Variants in TMPRSS15 observed in about 807,000 individuals in gnomAD.
TMPRSS15 encodes transmembrane serine protease 15, also known as enteropeptidase.
Under a neutral mutation model 125.3 loss-of-function variants are expected in TMPRSS15, and 128 were observed. That is an observed-to-expected ratio of 1.02 (90% CI 0.89 to 1.18). TMPRSS15 has a LOEUF of 1.18. Among genes scored for constraint, TMPRSS15 ranks in the 50% most tolerant of loss-of-function variants. TMPRSS15 has a pLI of 0.00. For synonymous variants in TMPRSS15, 446 were observed against 423.2 expected, an observed-to-expected ratio of 1.05 and a Z score of -0.66; for missense variants, 1,283 against 1,212.7, an observed-to-expected ratio of 1.06 and a Z score of -0.86.
chr21:18,427,003 A>G (rs2076203952), intron 1 of TMPRSS15, among the ~76,000 whole-genome samples: 1 of 152,188 alleles, frequency 6.6e-6, no homozygotes, highest in Admixed American at 6.5e-5. Context: ...AGAGTGATTA[A>G]TCCCTTTTGG....
intron 1 of TMPRSS15, among the ~76,000 whole-genome samples, chr21:18,423,177 T>C (rs1167521843): frequency 6.6e-6 from 1 of 152,032 alleles, no homozygotes; most frequent in African/African-American, 2.4e-5. Context: ...CCTCTGAGGT[T>C]TTGCTTTGGA....
rs1385984679 is a variant in TMPRSS15, at chr21:18,416,484, C to G, written c.11-18155G>C. Among the ~76,000 whole-genome samples, 2 of 152,120 alleles carry G rather than the reference C, an allele frequency of 1.3e-5. 1 individual carries two copies. The highest frequency in any genetic ancestry group is 2.9e-5 in the Non-Finnish European group (2 of 67,894). On this transcript the variant is annotated intron_variant, in intron 1 of 7. Coordinates refer to the TMPRSS15 transcript ENST00000422787. ...TGAACAGTAGAAATTTGTAGACTTACTATTATCATAAGGCATTTGTTTTTA... is the reference window on the plus strand; with the variant it reads ...TGAACAGTAGAAATTTGTAGACTTAGTATTATCATAAGGCATTTGTTTTTA...
At chr21:18,470,650 C>G (rs944474936) in intron 1 of TMPRSS15, among the ~76,000 whole-genome samples, 13 of 152,036 alleles carry the variant, frequency 8.6e-5, no homozygotes, top group African/African-American at 3.1e-4. Context: ...ACTCTTTATT[C>G]TCCTTTGTTG....
chr21:18,286,980 C>T (rs1444068649), intron 21 of TMPRSS15, among the ~76,000 whole-genome samples: 1 of 152,180 alleles, frequency 6.6e-6, no homozygotes, highest in Non-Finnish European at 1.5e-5. Context: ...TTTAGATTTT[C>T]CTTCCATTTT....
At chr21:18,278,733 A>G (rs1324215587) in intron 23 of TMPRSS15, among the ~76,000 whole-genome samples, 1 of 152,144 alleles carries the variant, frequency 6.6e-6, no homozygotes, top group Non-Finnish European at 1.5e-5. Context: ...AAAACAAACA[A>G]ACAAAATCCT....
At chr21:18,471,393 A>T (rs1978777679) in intron 1 of TMPRSS15, among the ~76,000 whole-genome samples, 1 of 152,076 alleles carries the variant, frequency 6.6e-6, no homozygotes, top group African/African-American at 2.4e-5. Flanking sequence ...TTTACAGCCA[A>T]ATACAAGTTA....
chr21:18,446,922 A>T (rs747170785), intron 1 of TMPRSS15, among the ~76,000 whole-genome samples: 4 of 152,160 alleles, frequency 2.6e-5, no homozygotes, highest in Non-Finnish European at 5.9e-5. Flanking sequence ...TAGGCAACAA[A>T]TATAGACAAA....
chr21:18,387,351 C>A (rs2075952597), intron 3 of TMPRSS15, among the ~76,000 whole-genome samples: 1 of 152,074 alleles, frequency 6.6e-6, no homozygotes, highest in South Asian at 2.1e-4. Flanking sequence ...TTAGTTATCT[C>A]ATATATTCCT....
intron 16 of TMPRSS15, among the ~76,000 whole-genome samples, chr21:18,319,650 A>G (rs993608153): frequency 6.6e-6 from 1 of 152,082 alleles, no homozygotes; most frequent in African/African-American, 2.4e-5. Context: ...GCTGGTCTCA[A>G]ACTCCCGACC....
At chr21:18,333,482 C>T (rs1392801498) in intron 13 of TMPRSS15, among the ~76,000 whole-genome samples, 1 of 152,048 alleles carries the variant, frequency 6.6e-6, no homozygotes, top group African/African-American at 2.4e-5. Context: ...TCAATATTTA[C>T]CACTCTCTAA....
At chr21:18,294,243 G>C (rs766956937) in intron 21 of TMPRSS15, 27 bp downstream of exon 21, 3 of 1,613,640 alleles carry the variant, frequency 1.9e-6, no homozygotes, top group Non-Finnish European at 2.5e-6. Flanking sequence ...ACCTAGTTTG[G>C]GAAGGGACAC....
intron 1 of TMPRSS15, among the ~76,000 whole-genome samples, chr21:18,414,484 A>G (rs1340332857): frequency 2.0e-5 from 3 of 152,204 alleles, no homozygotes; most frequent in Non-Finnish European, 4.4e-5. Flanking sequence ...GCATAATTAC[A>G]ATTTTATACA....
intron 16 of TMPRSS15, among the ~76,000 whole-genome samples, chr21:18,315,467 TG>T (rs1415091408): frequency 8.9e-6 from 1 of 111,952 alleles, no homozygotes; most frequent in African/African-American, 3.0e-5. Context: ...GTTGTGCACA[TG>T]TACCGTAGAA....
At chr21:18,480,830 C>A (rs1336909898) in intron 1 of TMPRSS15, among the ~76,000 whole-genome samples, 4 of 151,834 alleles carry the variant, frequency 2.6e-5, no homozygotes, top group East Asian at 1.9e-4. Context: ...CTTGTCCCAT[C>A]TTCATGTGGC....
At chr21:18,306,494 A>T (rs1049281274) in intron 18 of TMPRSS15, among the ~76,000 whole-genome samples, 8 of 152,332 alleles carry the variant, frequency 5.3e-5, no homozygotes, top group African/African-American at 1.7e-4. Flanking sequence ...GCATTTGAGA[A>T]TGTAAGGCTC....
At chr21:18,405,186 T>G (rs1195676016), upstream of TMPRSS15, among the ~76,000 whole-genome samples, 3 of 152,260 alleles carry the variant, frequency 2.0e-5, no homozygotes, top group East Asian at 5.8e-4. Context: ...CAGAAGACAG[T>G]GAGTTCACAT....
chr21:18,404,686 C>T (rs1372480288), upstream of TMPRSS15, among the ~76,000 whole-genome samples: 2 of 151,856 alleles, frequency 1.3e-5, no homozygotes, highest in Admixed American at 6.6e-5. Flanking sequence ...ATAAAACTGG[C>T]AGGAGGTAAG....
intron 1 of TMPRSS15, among the ~76,000 whole-genome samples, chr21:18,484,894 C>T (rs1193264613): frequency 6.6e-6 from 1 of 151,576 alleles, no homozygotes; most frequent in Non-Finnish European, 1.5e-5. Flanking sequence ...CCTTAACTGT[C>T]CTTAGCTCCT....
chr21:18,303,477 A>G (rs1388505084), intron 18 of TMPRSS15, among the ~76,000 whole-genome samples: 1 of 152,162 alleles, frequency 6.6e-6, no homozygotes, highest in Non-Finnish European at 1.5e-5. Context: ...TAGAATATAT[A>G]GCGTTAATTA....
Sources: allele counts gnomAD v4.1 joint callset (sites outside exome capture counted in the v4.1 genomes callset), GRCh38; gene constraint gnomAD v4.1.1; transcripts MANE v1.5; gene names NCBI Gene and HGNC (gene_info 2026-07-23, HGNC 2026-07-21).